RALYL: variants seen among roughly 807,000 people sequenced by gnomAD.
RALYL encodes the protein RNA-binding Raly-like protein.
A neutral mutation model predicts 35.1 loss-of-function variants in RALYL; 29 were observed. The ratio of observed to expected loss-of-function variants is 0.83; its 90% CI spans 0.61 to 1.13. The LOEUF (loss-of-function observed/expected upper bound fraction) is 1.13. RALYL is among the 50% of genes most tolerant of loss of function. The pLI, the probability that RALYL is intolerant of heterozygous loss-of-function variation, is 0.00. For missense variants in RALYL, 359 were observed against 360.4 expected, an observed-to-expected ratio of 1.00 and a Z score of 0.03; for synonymous variants, 120 against 127.6, an observed-to-expected ratio of 0.94 and a Z score of 0.40.
At chr8:84,309,006 G>A (rs910542983) in intron 1 of RALYL, among the ~76,000 whole-genome samples, 1 of 151,522 alleles carries the variant, frequency 6.6e-6, no homozygotes, top group African/African-American at 2.4e-5. Context: ...TAAAATTATA[G>A]TGCTAAAGTA....
chr8:84,492,937 T>C (rs1215534247), intron 1 of RALYL, among the ~76,000 whole-genome samples: 1 of 152,114 alleles, frequency 6.6e-6, no homozygotes, highest in African/African-American at 2.4e-5. Context: ...AGTTCTGGGA[T>C]ACATGTGCAG....
chr8:84,459,223 A>G (rs1260925269), intron 1 of RALYL, among the ~76,000 whole-genome samples: 1 of 151,836 alleles, frequency 6.6e-6, no homozygotes, highest in Non-Finnish European at 1.5e-5. Flanking sequence ...AAAAGGGATT[A>G]TTAAATCATC....
At chr8:84,387,188 T>A (rs140279843) in intron 1 of RALYL, among the ~76,000 whole-genome samples, 1 of 151,890 alleles carries the variant, frequency 6.6e-6, no homozygotes, top group Non-Finnish European at 1.5e-5. Context: ...CAATAACTCA[T>A]ATTTATTAAA....
At chr8:84,871,033 T>C (rs1362656623) in intron 6 of RALYL, among the ~76,000 whole-genome samples, 6 of 152,140 alleles carry the variant, frequency 3.9e-5, no homozygotes, top group Non-Finnish European at 1.5e-5. Flanking sequence ...GCAGCCTGCA[T>C]AGGGTTAGAG....
Position 84,187,638 on chromosome 8 carries a change from A to G in RALYL, c.-24+3214A>G, listed in dbSNP as rs570350672. 3.3e-5 allele frequency among the ~76,000 whole-genome samples: 5 copies of G among 152,240 alleles called. No homozygotes were observed. The South Asian group carries it at 8.3e-4, about 25-fold the overall frequency. ...AAGTCTAGTGGTTAAAAGAGCTACT[A>G]TAATAATACAAATAAATGATGCCTT... On this transcript the variant is annotated intron_variant, in intron 1 of 8. Transcript: ENST00000521268.
chr8:84,620,756 G>A (rs1220449424), intron 2 of RALYL, among the ~76,000 whole-genome samples: 2 of 151,548 alleles, frequency 1.3e-5, no homozygotes, highest in Admixed American at 1.3e-4. Context: ...TGATGGTGAT[G>A]TACAGATGGG....
At chr8:84,623,177 A>G (rs1459509633) in intron 2 of RALYL, among the ~76,000 whole-genome samples, 1 of 152,210 alleles carries the variant, frequency 6.6e-6, no homozygotes, top group Non-Finnish European at 1.5e-5. Context: ...CAGCTGGGAC[A>G]TGCTGTTAGA....
At chr8:84,524,633 G>A (rs189758454) in intron 1 of RALYL, among the ~76,000 whole-genome samples, 77 of 152,162 alleles carry the variant, frequency 5.1e-4, no homozygotes, top group African/African-American at 1.7e-3. Flanking sequence ...TTTATCTAAA[G>A]CACATTTTTG....
At chr8:84,861,503 C>T (rs950300231) in intron 5 of RALYL, among the ~76,000 whole-genome samples, 5 of 151,926 alleles carry the variant, frequency 3.3e-5, no homozygotes, top group African/African-American at 4.8e-5. Context: ...TTCACTTTTC[C>T]GCAAAGGTTT....
chr8:84,843,163 G>C (rs1004327236), intron 4 of RALYL, among the ~76,000 whole-genome samples: 2 of 152,166 alleles, frequency 1.3e-5, no homozygotes, highest in Admixed American at 6.5e-5. Context: ...ATTAGGAAAA[G>C]AGGAAGTCAT....
intron 8 of RALYL, chr8:84,906,907 C>A: frequency 2.0e-6 from 2 of 980,864 alleles, no homozygotes; most frequent in Non-Finnish European, 2.4e-6. Flanking sequence ...ATCTTCCCTT[C>A]TAAACCTTCG....
At chr8:84,557,640 T>G (rs1282010407) in intron 2 of RALYL, among the ~76,000 whole-genome samples, 1 of 152,222 alleles carries the variant, frequency 6.6e-6, no homozygotes, top group East Asian at 1.9e-4. Flanking sequence ...ACCTTTTAAT[T>G]GTGTCTATCA....
intron 1 of RALYL, among the ~76,000 whole-genome samples, chr8:84,523,297 TCTCATGAGACTTATTCACA>T (rs561447278): frequency 6.6e-6 from 1 of 151,372 alleles, no homozygotes; most frequent in Non-Finnish European, 1.5e-5. Context: ...AACCATCAGC[TCTCATGAGACTTATTCACA>T]CTCATGAGAC....
chr8:84,340,935 C>T (rs1326320436), intron 1 of RALYL, among the ~76,000 whole-genome samples: 1 of 152,008 alleles, frequency 6.6e-6, no homozygotes, highest in Non-Finnish European at 1.5e-5. Flanking sequence ...CCTACCAATA[C>T]TGTATAATGG....
intron 2 of RALYL, among the ~76,000 whole-genome samples, chr8:84,563,050 T>C (rs567858027): frequency 6.6e-6 from 1 of 151,906 alleles, no homozygotes; most frequent in Non-Finnish European, 1.5e-5. Context: ...GAGTACCTGA[T>C]GACCCCTTTG....
At chr8:84,511,321 A>G (rs548405299) in intron 1 of RALYL, among the ~76,000 whole-genome samples, 43 of 152,354 alleles carry the variant, frequency 2.8e-4, no homozygotes, top group Middle Eastern at 3.4e-3. Flanking sequence ...GCATTCATGC[A>G]TAATAGGTAT....
intron 1 of RALYL, among the ~76,000 whole-genome samples, chr8:84,223,485 A>C (rs951461699): frequency 6.6e-6 from 1 of 152,156 alleles, no homozygotes; most frequent in African/African-American, 2.4e-5. Flanking sequence ...AATATTCACT[A>C]TAAGAAAAGG....
At chr8:84,600,624 T>C (rs1260428942) in intron 2 of RALYL, among the ~76,000 whole-genome samples, 4 of 152,140 alleles carry the variant, frequency 2.6e-5, no homozygotes, top group African/African-American at 4.8e-5. Context: ...TTGCAGGCCT[T>C]TGGGACTCTG....
intron 1 of RALYL, among the ~76,000 whole-genome samples, chr8:84,400,924 T>G (rs764379275): frequency 6.6e-6 from 1 of 152,188 alleles, no homozygotes; most frequent in Non-Finnish European, 1.5e-5. Flanking sequence ...ATTTTTTTCT[T>G]GGCGTGTTTA....
Sources: gnomAD v4.1 joint callset for allele counts (sites outside exome capture counted in the v4.1 genomes callset) on GRCh38, gnomAD v4.1.1 for gene constraint, MANE v1.5 for transcripts, NCBI Gene and HGNC (gene_info 2026-07-23, HGNC 2026-07-21) for gene names.